Variants in C11orf71 observed in about 807,000 individuals in gnomAD.
The protein encoded by C11orf71 is uncharacterized protein C11orf71.
For missense variants in C11orf71, 179 were observed against 167.6 expected (o/e 1.07, Z -0.38); for synonymous variants, 72 against 73.4 (o/e 0.98, Z 0.09).
intron 1 of C11orf71, among the ~76,000 whole-genome samples, chr11:114,392,613 C>T (rs1409809820): frequency 6.6e-6 from 1 of 150,474 alleles, no homozygotes; most frequent in Non-Finnish European, 1.5e-5. Flanking sequence ...TGCCTGTAAT[C>T]CCAGCTACTG....
At chr11:114,397,739 A>C (rs1262664978), downstream of C11orf71, among the ~76,000 whole-genome samples, 4 of 152,294 alleles carry the variant, frequency 2.6e-5, no homozygotes, top group Non-Finnish European at 2.9e-5. Context: ...AAGCTAAAAA[A>C]TATGCTTCCA....
downstream of C11orf71, among the ~76,000 whole-genome samples, chr11:114,395,966 AG>A (rs1946128261): frequency 6.6e-6 from 1 of 152,188 alleles, no homozygotes; most frequent in Non-Finnish European, 1.5e-5. Flanking sequence ...GTGTGATCGT[AG>A]CTCACTACAT....
chr11:114,397,748 C>T (rs934860461), downstream of C11orf71, among the ~76,000 whole-genome samples: 1 of 152,070 alleles, frequency 6.6e-6, no homozygotes, highest in African/African-American at 2.4e-5. Flanking sequence ...AATATGCTTC[C>T]AATGCATATT....
exon 2 of C11orf71, chr11:114,391,515 A>G: frequency 9.0e-7 from 1 of 1,113,876 alleles, no homozygotes; most frequent in Non-Finnish European, 1.2e-6. Flanking sequence ...ACAATTTCAT[A>G]TCCAATTTTT....
downstream of C11orf71, among the ~76,000 whole-genome samples, chr11:114,395,953 G>A (rs751896284): frequency 9.2e-5 from 14 of 152,202 alleles, no homozygotes; most frequent in Non-Finnish European, 1.3e-4. Flanking sequence ...CTGGAGTGCA[G>A]TGGTGTGATC....
rs191166234 is a variant in C11orf71 at position 114,398,618 on chromosome 11, C to A, written c.*1342G>T. The A allele has an allele frequency of 5.4e-4, 82 of 152,264 alleles. 1 individual carries two copies. Among genetic ancestry groups the A allele is most frequent in the African/African-American group, 1.9e-3 (78 of 41,556 alleles). The allele number at this position is 152,264 out of a possible 1,614,324, so 9.4% of individuals were successfully genotyped here. ...AGTTCTCAATAAATATCTCTATAAA[C>A]AATAGAAGTCCTAGCACACTGACTT... On this transcript the variant is annotated 3_prime_UTR_variant, in exon 1 of 1. Coordinates refer to ENST00000623205, the MANE Select transcript of C11orf71 (RefSeq NM_001271562.2).
chr11:114,397,431 T>C (rs1178016439), downstream of C11orf71, among the ~76,000 whole-genome samples: 3 of 152,296 alleles, frequency 2.0e-5, no homozygotes, highest in South Asian at 2.1e-4. Context: ...GAGGGTCACA[T>C]TGTAACTTGA....
chr11:114,391,533 A>C, exon 2 of C11orf71: 2 of 1,231,552 alleles, frequency 1.6e-6, no homozygotes, highest in Non-Finnish European at 2.2e-6. Flanking sequence ...TTTATCTTAA[A>C]TAATATAAAT....
downstream of C11orf71, among the ~76,000 whole-genome samples, chr11:114,396,980 A>G (rs1413591519): frequency 6.6e-6 from 1 of 152,168 alleles, no homozygotes; most frequent in African/African-American, 2.4e-5. Context: ...AATCTCCCAA[A>G]TGGATATTAA....
chr11:114,396,042 A>G (rs941553361), downstream of C11orf71, among the ~76,000 whole-genome samples: 1 of 152,132 alleles, frequency 6.6e-6, no homozygotes. Context: ...TACAGGCCCG[A>G]CCAATCGTGC....
Position 114,399,054 on chromosome 11 carries a change from A to G in C11orf71, c.*906T>C, listed in dbSNP as rs891776895. On this transcript the variant is annotated 3_prime_UTR_variant, in exon 1 of 1. Coordinates refer to ENST00000623205, the MANE Select transcript of C11orf71 (RefSeq NM_001271562.2). ...CCAGGATAGTGCAGTATTATGATGAAAAAAAAAAAAAAAAAGTCACTGCAA... is the reference window on the plus strand; with the variant it reads ...CCAGGATAGTGCAGTATTATGATGAGAAAAAAAAAAAAAAAGTCACTGCAA... 6 of 36,072 alleles carry G rather than the reference A, an allele frequency of 1.7e-4. No homozygotes were observed. The South Asian group carries it at 2.0e-3, about 12-fold the overall frequency. 2.2% of individuals were successfully genotyped at this position (36,072 alleles called of 1,614,324 possible). A position where few individuals can be genotyped will look rare whatever the true frequency, so the allele number is the denominator to read the frequency against.
chr11:114,394,331 G>C (rs952970879), downstream of C11orf71, among the ~76,000 whole-genome samples: 13 of 141,696 alleles, frequency 9.2e-5, no homozygotes, highest in Admixed American at 1.5e-4. Flanking sequence ...GTCGCACTCT[G>C]TTGCCCAGGC....
At chr11:114,394,243 T>TTTTTTC (rs1565256584), downstream of C11orf71, among the ~76,000 whole-genome samples, 6 of 52,390 alleles carry the variant, frequency 1.1e-4, no homozygotes, top group African/African-American at 8.8e-4. Flanking sequence ...TTTTCTTTTC[T>TTTTTTC]TTTCTTTTCT....
Position 114,398,886 on chromosome 11 carries a change from A to T in C11orf71, c.*1074T>A, listed in dbSNP as rs999518841. 3 of 152,182 alleles carry T rather than the reference A, an allele frequency of 2.0e-5. No individual in the cohort carries two copies. The highest frequency in any genetic ancestry group is 2.9e-5 in the Non-Finnish European group (2 of 68,028). The allele number at this position is 152,182 out of a possible 1,614,324, so 9.4% of individuals were successfully genotyped here. A position where few individuals can be genotyped will look rare whatever the true frequency, so the allele number is the denominator to read the frequency against. On this transcript the variant is annotated 3_prime_UTR_variant, in exon 1 of 1. Coordinates refer to ENST00000623205, the MANE Select transcript of C11orf71 (RefSeq NM_001271562.2). ...GACAAGCGTCTGCTGGGAAAAAGCT[A>T]GTCTACCTGCTTATATAAAGAGCTG...
At chr11:114,392,548 A>AAAAAAAAAAAGAAG (rs1461395379) in intron 1 of C11orf71, among the ~76,000 whole-genome samples, 4 of 124,848 alleles carry the variant, frequency 3.2e-5, no homozygotes, top group East Asian at 3.0e-4. Context: ...AAAAAAAAAA[A>AAAAAAAAAAAGAAG]AAGAAGAAGA....
chr11:114,397,800 C>T (rs749876544), downstream of C11orf71, among the ~76,000 whole-genome samples: 8 of 152,184 alleles, frequency 5.3e-5, no homozygotes, highest in Non-Finnish European at 8.8e-5. Flanking sequence ...CATGAGCCAA[C>T]TGGTCTGCCT....
rs1946146560 is a variant in C11orf71 at position 114,398,626 on chromosome 11, G to A, written c.*1334C>T. On this transcript the variant is annotated 3_prime_UTR_variant, in exon 1 of 1. Transcript: ENST00000623205. ...ATAAATATCTCTATAAACAATAGAA[G>A]TCCTAGCACACTGACTTGCACATAG... 6.6e-6 allele frequency: 1 copy of A among 152,162 alleles called. No individual in the cohort carries two copies. The highest frequency in any genetic ancestry group is 2.1e-4 in the South Asian group (1 of 4,828). The allele number at this position is 152,162 out of a possible 1,614,324, so 9.4% of individuals were successfully genotyped here.
At position 114,400,406 on chromosome 11, in the gene C11orf71, C is replaced by A. The variant is rs2135346084; in HGVS notation, c.-75G>T. On this transcript the variant is annotated 5_prime_UTR_variant, in exon 1 of 1. Coordinates refer to ENST00000623205, the MANE Select transcript of C11orf71 (RefSeq NM_001271562.2). Reference sequence around the variant, plus strand: ...GCCCTTCGCGGCTCCCCAGATCAGTCCAGCCTGTGTCGGACCCGATGACTA... The same window carrying A: ...GCCCTTCGCGGCTCCCCAGATCAGTACAGCCTGTGTCGGACCCGATGACTA... The A allele has an allele frequency of 6.7e-7, 1 of 1,488,552 alleles. No homozygotes were observed. The highest frequency in any genetic ancestry group is 1.4e-5 in the South Asian group (1 of 73,552). 92.2% of individuals were successfully genotyped at this position (1,488,552 alleles called of 1,614,324 possible).
At chr11:114,398,218 C>T (rs960418193), downstream of C11orf71, among the ~76,000 whole-genome samples, 8 of 152,254 alleles carry the variant, frequency 5.3e-5, no homozygotes, top group African/African-American at 1.4e-4. Context: ...TTCTCAACCA[C>T]GGGTTTTTGT....
Sources: gnomAD v4.1 joint callset for allele counts (sites outside exome capture counted in the v4.1 genomes callset) on GRCh38, gnomAD v4.1.1 for gene constraint, MANE v1.5 for transcripts, NCBI Gene and HGNC (gene_info 2026-07-23, HGNC 2026-07-21) for gene names.